The following SEC14L1 variants were observed in gnomAD, a reference collection of about 807,000 sequenced individuals.
SEC14L1 encodes the protein SEC14-like protein 1.
In SEC14L1, 48 loss-of-function variants were observed where a neutral mutation model predicts 85.3. The observed-to-expected ratio is 0.56, with a 90% confidence interval of 0.45 to 0.72. The LOEUF is 0.72. Ranked by LOEUF, SEC14L1 falls within the 30% of genes least tolerant of loss-of-function variation. SEC14L1 has a pLI of 0.00. For synonymous variants in SEC14L1, 391 were observed against 355.5 expected, an observed-to-expected ratio of 1.10 and a Z score of -1.12; for missense variants, 682 against 921.4, an observed-to-expected ratio of 0.74 and a Z score of 3.36.
At chr17:77,201,977 A>G (rs148831845) in intron 9 of SEC14L1, among the ~76,000 whole-genome samples, 1 of 152,130 alleles carries the variant, frequency 6.6e-6, no homozygotes, top group Admixed American at 6.5e-5. Flanking sequence ...ACCGAAGACA[A>G]GTCTTGGTTC....
At chr17:77,136,894 A>G (rs1337275752), upstream of SEC14L1, among the ~76,000 whole-genome samples, 3 of 151,982 alleles carry the variant, frequency 2.0e-5, no homozygotes, top group Non-Finnish European at 4.4e-5. Flanking sequence ...AGAGAAAGCA[A>G]TAATTTCTTT....
chr17:77,179,542 C>T (rs967278139), intron 3 of SEC14L1, among the ~76,000 whole-genome samples: 3 of 152,104 alleles, frequency 2.0e-5, no homozygotes, highest in South Asian at 2.1e-4. Flanking sequence ...CTTACTTTTC[C>T]GTGCTAAATG....
intron 3 of SEC14L1, among the ~76,000 whole-genome samples, chr17:77,172,030 C>T (rs12453809): frequency 0.26 from 39,736 of 152,002 alleles, 5,419 homozygotes; most frequent in Middle Eastern, 0.32. Context: ...ATTTACTGAG[C>T]GGTCCTTATA....
intron 8 of SEC14L1, among the ~76,000 whole-genome samples, 156 bp downstream of exon 8, chr17:77,196,467 T>C (rs1299209622): frequency 6.6e-6 from 1 of 152,248 alleles, no homozygotes; most frequent in East Asian, 1.9e-4. Context: ...CTCTGTGGAA[T>C]CTAAGTCGTT....
At chr17:77,203,723 A>T (rs1330913376) in intron 10 of SEC14L1, 65 bp downstream of exon 10, 1 of 1,268,608 alleles carries the variant, frequency 7.9e-7, no homozygotes, top group Non-Finnish European at 1.1e-6. Flanking sequence ...TGCCAGTAGG[A>T]TTGGGGTGTT....
Position 77,191,416 on chromosome 17 carries a change from G to T in SEC14L1, c.345+104G>T, listed in dbSNP as rs796112149. On this transcript the variant is annotated intron_variant, in intron 5 of 16. Transcript: ENST00000436233. ...GTGCATCTTTTTGTCTTAGAGGGCA[G>T]TTCTTCATTAGATGTTGTCACTCAT... The T allele has an allele frequency of 2.1e-5, 26 of 1,262,156 alleles. 1 individual carries two copies. The African/African-American group carries it at 3.9e-4, about 19-fold the overall frequency. The allele number at this position is 1,262,156 out of a possible 1,614,324, so 78.2% of individuals were successfully genotyped here.
At chr17:77,142,496 T>C (rs1973101144) in intron 1 of SEC14L1, 150 bp from the exon 2 acceptor site, 1 of 143,174 alleles carries the variant, frequency 7.0e-6, no homozygotes, top group Non-Finnish European at 1.5e-5. Context: ...AGGTGGAGGC[T>C]GCAGTGAGTG....
chr17:77,160,526 C>T (rs754776903), intron 3 of SEC14L1, among the ~76,000 whole-genome samples: 1 of 152,176 alleles, frequency 6.6e-6, no homozygotes, highest in Non-Finnish European at 1.5e-5. Context: ...AGAAATAAAA[C>T]CTTTCGTAGC....
Position 77,206,787 on chromosome 17 carries a change from C to T in SEC14L1, c.1401C>T (p.Asp467=), listed in dbSNP as rs756626151. 5.2e-5 allele frequency: 84 copies of T among 1,612,608 alleles called. No individual in the cohort carries two copies. The highest frequency in any genetic ancestry group is 6.4e-5 in the Non-Finnish European group (75 of 1,179,636). Residue 467 remains aspartate (D), a synonymous_variant, in exon 13 of 17, where the codon GAC becomes GAT. Coordinates refer to ENST00000436233, the MANE Select transcript of SEC14L1 (RefSeq NM_001143998.2). The surrounding 1 kb of genome is among the most constrained non-coding windows in gnomAD (Gnocchi z 4.3). ...RRKFLIYAGN[D]YQGPGGLLDY... ...AGTTCCTCATTTATGCAGGAAATGA[C>T]TACCAGGGTCCTGGAGGCCTGCTGG... is the stretch of plus-strand genomic sequence containing the variant.
intron 3 of SEC14L1, among the ~76,000 whole-genome samples, chr17:77,183,304 A>C (rs1426576243): frequency 6.6e-6 from 1 of 152,224 alleles, no homozygotes; most frequent in African/African-American, 2.4e-5. Context: ...ACCTGTATGC[A>C]TGTCCGCTAG....
chr17:77,148,808 T>G (rs542965277), intron 3 of SEC14L1, among the ~76,000 whole-genome samples: 1 of 152,372 alleles, frequency 6.6e-6, no homozygotes, highest in East Asian at 1.9e-4. Flanking sequence ...TGTCCTGTGT[T>G]GAAGGCTTTC....
At chr17:77,099,098 G>A (rs1971709882) in intron 3 of SEC14L1, 1 of 152,114 alleles carries the variant, frequency 6.6e-6, no homozygotes, top group Non-Finnish European at 1.5e-5. Context: ...GTCACTGGAA[G>A]GTCACATGTT....
At chr17:77,166,049 T>G (rs1974264384) in intron 3 of SEC14L1, among the ~76,000 whole-genome samples, 1 of 152,228 alleles carries the variant, frequency 6.6e-6, no homozygotes, top group South Asian at 2.1e-4. Flanking sequence ...CAATAGTGTC[T>G]TCCTCCTTGA....
At chr17:77,203,058 A>G (rs1467080084) in intron 9 of SEC14L1, among the ~76,000 whole-genome samples, 5 of 152,206 alleles carry the variant, frequency 3.3e-5, no homozygotes, top group African/African-American at 1.2e-4. Context: ...TGGCTTTTAA[A>G]AAGCTTTCAT....
chr17:77,181,829 A>T (rs1975052063), intron 3 of SEC14L1, among the ~76,000 whole-genome samples: 1 of 152,036 alleles, frequency 6.6e-6, no homozygotes, highest in South Asian at 2.1e-4. Flanking sequence ...CCCTCTGTAA[A>T]GAGCTGTTAC....
chr17:77,214,431 G>T lies in SEC14L1; in HGVS notation c.*408G>T, dbSNP rs1294039997. 9 of 1,001,444 alleles carry T rather than the reference G, an allele frequency of 9.0e-6. No homozygotes were observed. Among genetic ancestry groups the T allele is most frequent in the Non-Finnish European group, 1.1e-5 (9 of 839,082 alleles). 62.0% of individuals were successfully genotyped at this position (1,001,444 alleles called of 1,614,324 possible). A position where few individuals can be genotyped will look rare whatever the true frequency, so the allele number is the denominator to read the frequency against. ...AGATGGCCCCTCCTCACCTGGGACG[G>T]AAGCTGCCAGCTCGCTTCCCCCAAG... On this transcript the variant is annotated 3_prime_UTR_variant, in exon 17 of 17. Coordinates refer to ENST00000436233, the MANE Select transcript of SEC14L1 (RefSeq NM_001143998.2).
At chr17:77,205,217 A>G (rs1976403096) in intron 10 of SEC14L1, 59 bp from the exon 11 acceptor site, 1 of 1,413,992 alleles carries the variant, frequency 7.1e-7, no homozygotes, top group Non-Finnish European at 1.0e-6. Context: ...CCATAGCTGG[A>G]CGCGGTAGTT....
intron 3 of SEC14L1, among the ~76,000 whole-genome samples, chr17:77,173,048 G>T (rs1325872454): frequency 6.6e-6 from 1 of 152,138 alleles, no homozygotes; most frequent in Non-Finnish European, 1.5e-5. Flanking sequence ...CATTAGCTCA[G>T]CCCAAGTATA....
chr17:77,097,288 G>T (rs1014737134), intron 3 of SEC14L1, among the ~76,000 whole-genome samples: 2 of 152,164 alleles, frequency 1.3e-5, no homozygotes, highest in Admixed American at 6.6e-5. Context: ...GATTGTGGCC[G>T]GGCACGGTGG....
Sources: gnomAD v4.1 joint callset for allele counts (sites outside exome capture counted in the v4.1 genomes callset) on GRCh38, gnomAD v4.1.1 for gene constraint, Gnocchi (gnomAD v3.1) non-coding constraint, MANE v1.5 for transcripts, NCBI Gene and HGNC (gene_info 2026-07-23, HGNC 2026-07-21) for gene names.